Variants in ST6GAL1 observed in about 807,000 individuals in gnomAD.
The protein encoded by ST6GAL1 is ST6 beta-galactoside alpha-2,6-sialyltransferase 1.
ST6GAL1 carries 20 observed loss-of-function variants against 38.0 expected under a neutral mutation model. The ratio of observed to expected loss-of-function variants is 0.53; its 90% CI spans 0.37 to 0.77. ST6GAL1 has a LOEUF of 0.77. ST6GAL1 is among the 30% of genes least tolerant of loss of function. The pLI, the probability that ST6GAL1 is intolerant of heterozygous loss-of-function variation, is 0.00. For synonymous variants in ST6GAL1, 196 were observed against 188.2 expected (o/e 1.04, Z -0.34); for missense variants, 432 against 496.4 (o/e 0.87, Z 1.23).
intron 2 of ST6GAL1, chr3:186,996,419 G>C (rs564173942): frequency 1.3e-5 from 2 of 152,216 alleles, no homozygotes; most frequent in South Asian, 4.1e-4. Flanking sequence ...GCCTTGGAAG[G>C]GGGTAGATAG....
At chr3:187,071,776 C>CAAAAAAAAAAAAAAAAAAAAA (rs11330261) in intron 5 of ST6GAL1, among the ~76,000 whole-genome samples, 3 of 72,324 alleles carry the variant, frequency 4.1e-5, no homozygotes, top group African/African-American at 1.4e-4. Context: ...GACTCCGCCT[C>CAAAAAAAAAAAAAAAAAAAAA]AAAAAAAAAA....
intron 1 of ST6GAL1, chr3:186,931,204 A>G (rs976505452): frequency 2.0e-3 from 4 of 2,046 alleles, no homozygotes; most frequent in Admixed American, 4.9e-3. Context: ...CGGATCGACA[A>G]ATTGAGGCCC....
chr3:186,998,849 T>A (rs1429738132), intron 2 of ST6GAL1, among the ~76,000 whole-genome samples: 4 of 152,254 alleles, frequency 2.6e-5, no homozygotes, highest in Admixed American at 1.3e-4. Context: ...GGAGCCCAGT[T>A]CTAAGCATTT....
chr3:187,050,540 G>GAGAGAGAGAT (rs1553833070), intron 4 of ST6GAL1, among the ~76,000 whole-genome samples: 2 of 94,724 alleles, frequency 2.1e-5, no homozygotes, highest in Admixed American at 2.1e-4. Context: ...AAGAAAGAGA[G>GAGAGAGAGAT]AGAGAGAGAG....
chr3:186,946,172 C>T (rs1244637864), intron 1 of ST6GAL1, among the ~76,000 whole-genome samples: 1 of 151,560 alleles, frequency 6.6e-6, no homozygotes, highest in Non-Finnish European at 1.5e-5. Flanking sequence ...TTGTACTGGG[C>T]ATGGTGGCGG....
At chr3:186,970,920 G>A (rs911543909) in intron 2 of ST6GAL1, among the ~76,000 whole-genome samples, 9 of 152,278 alleles carry the variant, frequency 5.9e-5, no homozygotes, top group South Asian at 4.1e-4. Context: ...TATAAATGCC[G>A]AGGAGTTCAA....
In ST6GAL1 at chr3:187,057,844, G is replaced by A. The variant is rs527305667; in HGVS notation, c.705+6498G>A. On this transcript the variant is annotated intron_variant, in intron 5 of 7. Transcript: ENST00000169298. ...CTCTTCAGAGCTGTCAGACAGGGAC[G>A]TTTAAGTCTGCAGAAGTTTCTGCTG... 3.8e-3 allele frequency among the ~76,000 whole-genome samples: 583 copies of A among 152,292 alleles called. 1 individual carries two copies. Among genetic ancestry groups the A allele is most frequent in the Admixed American group, 7.2e-3 (110 of 15,292 alleles).
chr3:186,950,320 A>G (rs16861339), intron 1 of ST6GAL1, among the ~76,000 whole-genome samples: 15,772 of 152,102 alleles, frequency 0.1, 1,132 homozygotes, highest in African/African-American at 0.21. Context: ...ATTTGATCCT[A>G]CTCAGTTTGG....
Position 186,954,673 on chromosome 3 carries a change from G to T in ST6GAL1, c.-324-9112G>T, listed in dbSNP as rs559535170. Among the ~76,000 whole-genome samples the T allele has an allele frequency of 8.5e-4, 126 of 148,922 alleles. 2 individuals carry two copies. The East Asian group carries it at 0.015, about 18-fold the overall frequency. ...ATGTCCTTTGCCCACTTTTTAATGG[G>T]TTTTTTTTTTCTTGCAAATTTGTTT... On this transcript the variant is annotated intron_variant, in intron 1 of 7. Coordinates refer to ENST00000169298, the MANE Select transcript of ST6GAL1 (RefSeq NM_173216.2).
At chr3:187,004,668 A>G (rs768411966) in intron 2 of ST6GAL1, among the ~76,000 whole-genome samples, 2 of 152,244 alleles carry the variant, frequency 1.3e-5, no homozygotes, top group Non-Finnish European at 2.9e-5. Flanking sequence ...CCAGTACCAG[A>G]TGCCATTATG....
intron 2 of ST6GAL1, among the ~76,000 whole-genome samples, chr3:186,986,945 C>A (rs1560152081): frequency 6.8e-6 from 1 of 146,200 alleles, no homozygotes; most frequent in South Asian, 2.2e-4. Context: ...GCTAAACATA[C>A]TCAGAACCAA....
At chr3:187,003,801 T>C (rs1437144598) in intron 2 of ST6GAL1, among the ~76,000 whole-genome samples, 1 of 152,232 alleles carries the variant, frequency 6.6e-6, no homozygotes, top group African/African-American at 2.4e-5. Flanking sequence ...ATTAATAAAA[T>C]ATTCCTTACA....
At chr3:186,941,615 G>T (rs967247438) in intron 1 of ST6GAL1, among the ~76,000 whole-genome samples, 1 of 152,096 alleles carries the variant, frequency 6.6e-6, no homozygotes, top group African/African-American at 2.4e-5. Flanking sequence ...GGAAAGAGTT[G>T]CAGGAAAACA....
In ST6GAL1 at chr3:187,046,755, C is replaced by T. The variant is rs186898509; in HGVS notation, c.607+3445C>T. Among the ~76,000 whole-genome samples the T allele has an allele frequency of 2.1e-3, 327 of 152,240 alleles. 8 individuals carry two copies. The highest frequency in any genetic ancestry group is 0.02 in the Admixed American group (302 of 15,290). ...CATGATCAGTTATATCAGGGGTCAGCAAGCTTTTCTTAAAAGGCCGGATAG... is the reference window on the plus strand; with the variant it reads ...CATGATCAGTTATATCAGGGGTCAGTAAGCTTTTCTTAAAAGGCCGGATAG... On this transcript the variant is annotated intron_variant, in intron 4 of 7. Coordinates refer to ENST00000169298, the MANE Select transcript of ST6GAL1 (RefSeq NM_173216.2).
At chr3:186,982,203 G>A (rs747175520) in intron 2 of ST6GAL1, among the ~76,000 whole-genome samples, 18 of 152,108 alleles carry the variant, frequency 1.2e-4, no homozygotes, top group Non-Finnish European at 2.2e-4. Context: ...TTTTGGTGAG[G>A]AAGAAATTTA....
In ST6GAL1 at chr3:187,075,551, C is replaced by T. The variant is rs1464633801; in HGVS notation, c.980-11C>T. 5.0e-6 allele frequency: 8 copies of T among 1,613,214 alleles called. No homozygotes were observed. In the East Asian group the frequency reaches 8.9e-5, roughly 18 times the overall value. ...TTGTCAGGCATGACTCACCTCTGCTCCCCTCTCCAGGTATCATCATCATGA... is the reference window on the plus strand; with the variant it reads ...TTGTCAGGCATGACTCACCTCTGCTTCCCTCTCCAGGTATCATCATCATGA... On this transcript the variant is annotated splice_polypyrimidine_tract_variant and intron_variant, in intron 7 of 7. Transcript: ENST00000169298. The surrounding 1 kb of genome is among the most constrained non-coding windows in gnomAD (Gnocchi z 4.1).
At chr3:186,961,627 G>C (rs1714938766) in intron 1 of ST6GAL1, among the ~76,000 whole-genome samples, 1 of 152,206 alleles carries the variant, frequency 6.6e-6, no homozygotes, top group South Asian at 2.1e-4. Flanking sequence ...GCTATGGCTG[G>C]AGTGTAGGGT....
At chr3:186,938,869 G>A (rs1348508396) in intron 1 of ST6GAL1, among the ~76,000 whole-genome samples, 2 of 152,110 alleles carry the variant, frequency 1.3e-5, no homozygotes, top group Non-Finnish European at 2.9e-5. Flanking sequence ...CCGAGCCATA[G>A]CTATTTCAGT....
In ST6GAL1 at chr3:187,075,847, T is replaced by A; in HGVS notation, c.*44T>A. 1 of 1,606,338 alleles carries A rather than the reference T, an allele frequency of 6.2e-7. No individual in the cohort carries two copies. The highest frequency in any genetic ancestry group is 8.5e-7 in the Non-Finnish European group (1 of 1,174,478). On this transcript the variant is annotated 3_prime_UTR_variant, in exon 8 of 8. Coordinates refer to ENST00000169298, the MANE Select transcript of ST6GAL1 (RefSeq NM_173216.2). The surrounding 1 kb of genome is among the most constrained non-coding windows in gnomAD (Gnocchi z 4.1). ...TCTCCATCAGGCATTAAATGAATGG[T>A]CTCTTGGCCACCCCAGCCTGGGAAG...
Sources: gnomAD v4.1 joint callset for allele counts (sites outside exome capture counted in the v4.1 genomes callset) on GRCh38, gnomAD v4.1.1 for gene constraint, Gnocchi (gnomAD v3.1) non-coding constraint, MANE v1.5 for transcripts, NCBI Gene and HGNC (gene_info 2026-07-23, HGNC 2026-07-21) for gene names.